CACNA1B: variants seen among roughly 807,000 people sequenced by gnomAD.
The protein encoded by CACNA1B is calcium voltage-gated channel subunit alpha1 B.
In CACNA1B, 70 loss-of-function variants were observed where a neutral mutation model predicts 247.2. The observed-to-expected ratio is 0.28, with a 90% CI of 0.23 to 0.35. CACNA1B has a LOEUF of 0.35. Ranked by LOEUF, CACNA1B falls within the 10% of genes least tolerant of loss-of-function variation. The probability of loss-of-function intolerance (pLI) is 1.00; values close to 1 mark genes in which losing one functional copy is unlikely to be tolerated. For missense variants in CACNA1B, 2,367 were observed against 3,197.4 expected, an observed-to-expected ratio of 0.74 and a Z score of 6.26; for synonymous variants, 1,231 against 1,294.4, an observed-to-expected ratio of 0.95 and a Z score of 1.05.
chr9:137,963,495 A>C (rs1405577935), intron 10 of CACNA1B, among the ~76,000 whole-genome samples: 1 of 152,178 alleles, frequency 6.6e-6, no homozygotes, highest in African/African-American at 2.4e-5. Flanking sequence ...CCCAAGTTCA[A>C]GTGATTCTCC....
In CACNA1B at chr9:138,012,735, A is replaced by G. The variant is rs1589067702; in HGVS notation, c.2161-394A>G. On this transcript the variant is annotated intron_variant, in intron 17 of 46. Coordinates refer to ENST00000371372, the MANE Select transcript of CACNA1B (RefSeq NM_000718.4). This position sits in a 1 kb window ranked among gnomAD's most constrained non-coding sequence, Gnocchi z 4.2. ...TCTCTAAAAAAAAAAAAAACAAATA[A>G]CAAAAAACAAAACAAACAAATGGAA... 6.6e-6 allele frequency among the ~76,000 whole-genome samples: 1 copy of G among 151,776 alleles called. No homozygotes were observed. The highest frequency in any genetic ancestry group is 2.4e-5 in the African/African-American group (1 of 41,356).
intron 10 of CACNA1B, among the ~76,000 whole-genome samples, chr9:137,965,788 G>T (rs1958068862): frequency 6.6e-6 from 1 of 152,108 alleles, no homozygotes; most frequent in South Asian, 2.1e-4. Context: ...GTTTCACCAG[G>T]TTGGCCAGGC....
chr9:137,960,866 T>G (rs1439748004), intron 10 of CACNA1B, among the ~76,000 whole-genome samples: 1 of 152,010 alleles, frequency 6.6e-6, no homozygotes, highest in Non-Finnish European at 1.5e-5. Flanking sequence ...CTCCATCATG[T>G]TTGTTTTGTT....
chr9:137,921,184 G>T (rs112892256), intron 6 of CACNA1B, among the ~76,000 whole-genome samples: 2 of 152,236 alleles, frequency 1.3e-5, no homozygotes, highest in African/African-American at 4.8e-5. Context: ...GCACTCAGAG[G>T]TCCAGTAGGA....
intron 15 of CACNA1B, among the ~76,000 whole-genome samples, chr9:137,989,658 G>A (rs1346350266): frequency 6.6e-6 from 1 of 152,144 alleles, no homozygotes; most frequent in Non-Finnish European, 1.5e-5. Context: ...AAACACTGGG[G>A]TACAATCACT....
chr9:138,003,214 T>C (rs1342544815), intron 15 of CACNA1B, among the ~76,000 whole-genome samples: 2 of 149,438 alleles, frequency 1.3e-5, no homozygotes, highest in East Asian at 4.2e-4. Context: ...AGATGGGGTC[T>C]TGCTCTATTG....
intron 6 of CACNA1B, among the ~76,000 whole-genome samples, chr9:137,932,038 C>G (rs754496322): frequency 2.6e-5 from 4 of 152,104 alleles, no homozygotes; most frequent in African/African-American, 9.7e-5. Context: ...CATTTTTCCT[C>G]TAGAAAAAGA....
chr9:138,089,357 G>A (rs995767328), intron 36 of CACNA1B, among the ~76,000 whole-genome samples: 1 of 152,136 alleles, frequency 6.6e-6, no homozygotes, highest in Non-Finnish European at 1.5e-5. Context: ...TGTAAGGATG[G>A]TTCAACATAA....
chr9:138,103,208 A>G (rs1961312774), intron 38 of CACNA1B, among the ~76,000 whole-genome samples: 1 of 152,116 alleles, frequency 6.6e-6, no homozygotes, highest in Non-Finnish European at 1.5e-5. Context: ...AGCCCCTGGT[A>G]TGGATGGAGC....
At chr9:137,959,945 C>T (rs988453966) in intron 10 of CACNA1B, among the ~76,000 whole-genome samples, 17 of 152,128 alleles carry the variant, frequency 1.1e-4, no homozygotes, top group African/African-American at 4.1e-4. Context: ...GGAGTGGAAG[C>T]GTGTGGAGGG....
chr9:138,059,225 C>G lies in CACNA1B; in HGVS notation c.4584+36C>G, dbSNP rs202109760. On this transcript the variant is annotated intron_variant, in intron 30 of 46. Transcript: ENST00000371372. This position sits in a 1 kb window ranked among gnomAD's most constrained non-coding sequence, Gnocchi z 4.2. ...TGGTCCCTGCTTTGCCTTTTGACAA[C>G]CTATATTCTGGTTCCCCATCTGTAG... is the stretch of plus-strand genomic sequence containing the variant. 7.7e-7 allele frequency: 1 copy of G among 1,301,330 alleles called. No homozygotes were observed. Among genetic ancestry groups the G allele is most frequent in the Non-Finnish European group, 1.1e-6 (1 of 900,748 alleles). The allele number at this position is 1,301,330 out of a possible 1,614,324, so 80.6% of individuals were successfully genotyped here. A position where few individuals can be genotyped will look rare whatever the true frequency, so the allele number is the denominator to read the frequency against.
At position 138,054,730 on chromosome 9, in the gene CACNA1B, A is replaced by C. The variant is rs1959432027; in HGVS notation, c.3968+724A>C. ...CCGGGTCCTGGGTGTGCGTGTACTCAGCCTTAGTAGATGCTGCCAGGCCCT... is the reference window on the plus strand; with the variant it reads ...CCGGGTCCTGGGTGTGCGTGTACTCCGCCTTAGTAGATGCTGCCAGGCCCT... On this transcript the variant is annotated intron_variant, in intron 26 of 46. Transcript: ENST00000371372. The surrounding 1 kb of genome is among the most constrained non-coding windows in gnomAD (Gnocchi z 4.6). Among the ~76,000 whole-genome samples, 1 of 152,198 alleles carries C rather than the reference A, an allele frequency of 6.6e-6. No individual in the cohort carries two copies.
chr9:138,032,251 C>T (rs1234522899), intron 20 of CACNA1B, among the ~76,000 whole-genome samples: 1 of 152,012 alleles, frequency 6.6e-6, no homozygotes, highest in East Asian at 1.9e-4. Context: ...TTCATGTAGT[C>T]ATTTTACCAG....
intron 3 of CACNA1B, among the ~76,000 whole-genome samples, chr9:137,904,637 C>T (rs1264000066): frequency 6.6e-6 from 1 of 151,876 alleles, no homozygotes; most frequent in Non-Finnish European, 1.5e-5. Flanking sequence ...CAAAGGGCTA[C>T]GATTACAGGT....
At chr9:137,886,015 G>A (rs567411343) in intron 3 of CACNA1B, among the ~76,000 whole-genome samples, 4 of 151,860 alleles carry the variant, frequency 2.6e-5, no homozygotes, top group Non-Finnish European at 4.4e-5. Flanking sequence ...TTGGGCCGGG[G>A]TGAGGTCACA....
At chr9:137,958,916 C>T (rs1957979640) in intron 10 of CACNA1B, among the ~76,000 whole-genome samples, 1 of 152,104 alleles carries the variant, frequency 6.6e-6, no homozygotes, top group African/African-American at 2.4e-5. Context: ...AATGTTTGTT[C>T]CCTGTCTGGA....
In CACNA1B at chr9:137,971,372, C is replaced by A; in HGVS notation, c.1334-11C>A. On this transcript the variant is annotated splice_polypyrimidine_tract_variant and intron_variant, in intron 10 of 46. Transcript: ENST00000371372. This position sits in a 1 kb window ranked among gnomAD's most constrained non-coding sequence, Gnocchi z 4.4. ...GGTCCCCACATCCTCAGTAACTCCC[C>A]ATCCCCTCAGGATCCCCCTTCGCCC... 1 of 1,598,424 alleles carries A rather than the reference C, an allele frequency of 6.3e-7. No homozygotes were observed. Among genetic ancestry groups the A allele is most frequent in the East Asian group, 2.3e-5 (1 of 44,178 alleles).
Position 137,919,847 on chromosome 9 carries a change from C to T in CACNA1B, c.966+2416C>T, listed in dbSNP as rs1458038417. Reference sequence around the variant, plus strand: ...AAGCTGGTGGCAGCGGGTGGGGCAGCGTGGGGGCACTCCAGCTTGAGGAGA... The same window carrying T: ...AAGCTGGTGGCAGCGGGTGGGGCAGTGTGGGGGCACTCCAGCTTGAGGAGA... On this transcript the variant is annotated intron_variant, in intron 6 of 46. Transcript: ENST00000371372. This position sits in a 1 kb window ranked among gnomAD's most constrained non-coding sequence, Gnocchi z 4.6. Among the ~76,000 whole-genome samples the T allele has an allele frequency of 1.3e-5, 2 of 152,102 alleles. No homozygotes were observed. The highest frequency in any genetic ancestry group is 2.4e-5 in the African/African-American group (1 of 41,414).
chr9:138,077,944 C>T (rs1215587474), intron 35 of CACNA1B, among the ~76,000 whole-genome samples, 170 bp from the exon 36 acceptor site: 2 of 152,240 alleles, frequency 1.3e-5, no homozygotes, highest in Non-Finnish European at 2.9e-5. Flanking sequence ...GTTTGGAAAT[C>T]TAGTGCCAGA....
Sources: allele counts gnomAD v4.1 joint callset (sites outside exome capture counted in the v4.1 genomes callset), GRCh38; gene constraint gnomAD v4.1.1; non-coding constraint Gnocchi (gnomAD v3.1); transcripts MANE v1.5; gene names NCBI Gene and HGNC (gene_info 2026-07-23, HGNC 2026-07-21).